Variants in USP53 observed in about 807,000 individuals in gnomAD.
USP53 encodes the protein ubiquitin carboxyl-terminal hydrolase 53.
USP53 carries 71 observed loss-of-function variants against 94.9 expected under a neutral mutation model. The observed-to-expected ratio is 0.75, with a 90% confidence interval of 0.62 to 0.91. The LOEUF is 0.91. Among genes scored for constraint, USP53 ranks in the 40% least tolerant of loss-of-function variants. The pLI is 0.00. For missense variants in USP53, 1,173 were observed against 1,281.0 expected (o/e 0.92, Z 1.29); for synonymous variants, 375 against 422.7 (o/e 0.89, Z 1.39).
chr4:119,251,841 T>C (rs1357203186), intron 7 of USP53, among the ~76,000 whole-genome samples: 5 of 152,326 alleles, frequency 3.3e-5, no homozygotes, highest in African/African-American at 1.2e-4. Flanking sequence ...CCAGTTTTTG[T>C]CCATTCAGTA....
At chr4:119,227,256 T>TACAC (rs3138727) in intron 3 of USP53, among the ~76,000 whole-genome samples, 5,487 of 125,064 alleles carry the variant, frequency 0.044, 215 homozygotes, top group African/African-American at 0.098. Context: ...TGTCTAACAC[T>TACAC]ACACACACAC....
Position 119,292,678 on chromosome 4 carries a change from A to G in USP53, c.2689A>G (p.Thr897Ala). The G allele has an allele frequency of 2.5e-6, 4 of 1,614,082 alleles. No individual in the cohort carries two copies. The highest frequency in any genetic ancestry group is 3.4e-6 in the Non-Finnish European group (4 of 1,179,980). ...ATGTTACTTTGAGAACTCTCTATCC[A>G]CAGAATGTATAATTCGGTCAGCCAG... ...DQCYFENSLSTECIIRSASRS... is the reference protein window; with the variant it reads ...DQCYFENSLSAECIIRSASRS... Residue 897 changes from threonine to alanine, a missense_variant, in exon 19 of 19, where the codon ACA becomes GCA. Transcript: ENST00000692078.
At chr4:119,275,641 A>G (rs1369263884) in intron 17 of USP53, among the ~76,000 whole-genome samples, 2 of 151,906 alleles carry the variant, frequency 1.3e-5, no homozygotes, top group East Asian at 3.9e-4. Flanking sequence ...GAAGAAAGTC[A>G]TTGGTAGCTT....
intron 2 of USP53, among the ~76,000 whole-genome samples, chr4:119,215,648 A>G (rs918333740): frequency 6.6e-6 from 1 of 151,734 alleles, no homozygotes; most frequent in East Asian, 1.9e-4. Context: ...TATGCTATGA[A>G]TTTTATTTTG....
At chr4:119,259,302 G>GA (rs1313474916) in intron 9 of USP53, among the ~76,000 whole-genome samples, 9 of 151,376 alleles carry the variant, frequency 5.9e-5, no homozygotes, top group Non-Finnish European at 1.3e-4. Context: ...AAAAGGGGGG[G>GA]GAGTAATATT....
intron 3 of USP53, among the ~76,000 whole-genome samples, chr4:119,227,630 C>G (rs1473942717): frequency 6.6e-6 from 1 of 151,760 alleles, no homozygotes; most frequent in Non-Finnish European, 1.5e-5. Flanking sequence ...GACTCCGTCT[C>G]AAAAAAGAAA....
chr4:119,282,864 A>G (rs1753659843), intron 17 of USP53, among the ~76,000 whole-genome samples: 1 of 152,022 alleles, frequency 6.6e-6, no homozygotes, highest in Admixed American at 6.6e-5. Context: ...TTACTGACCT[A>G]TAGAATCATT....
chr4:119,255,961 A>C (rs1414283903), intron 7 of USP53, among the ~76,000 whole-genome samples: 2 of 152,202 alleles, frequency 1.3e-5, no homozygotes, highest in Non-Finnish European at 2.9e-5. Flanking sequence ...ATTAAATTGT[A>C]GATGTCAGTC....
chr4:119,253,724 G>A (rs1578483758), intron 7 of USP53, among the ~76,000 whole-genome samples: 1 of 152,234 alleles, frequency 6.6e-6, no homozygotes, highest in East Asian at 1.9e-4. Flanking sequence ...TTACATTTAA[G>A]GTTAATATTG....
Position 119,248,623 on chromosome 4 carries a change from T to C in USP53, c.238-125T>C, listed in dbSNP as rs1748561627. The C allele has an allele frequency of 4.3e-6, 5 of 1,154,582 alleles. No individual in the cohort carries two copies. The East Asian group carries it at 1.3e-4, about 30-fold the overall frequency. 71.5% of individuals were successfully genotyped at this position (1,154,582 alleles called of 1,614,324 possible). A position where few individuals can be genotyped will look rare whatever the true frequency, so the allele number is the denominator to read the frequency against. Reference sequence around the variant, plus strand: ...AATAATTAATTTTTGTATGAAATTTTAGAGCAAAAGACTTCTGTATTATTT... The same window carrying C: ...AATAATTAATTTTTGTATGAAATTTCAGAGCAAAAGACTTCTGTATTATTT... On this transcript the variant is annotated intron_variant, in intron 6 of 18. Coordinates refer to ENST00000692078, the MANE Select transcript of USP53 (RefSeq NM_001371395.1).
intron 17 of USP53, among the ~76,000 whole-genome samples, chr4:119,278,397 ATTCTT>A (rs1283893297): frequency 5.4e-5 from 8 of 147,758 alleles, no homozygotes; most frequent in African/African-American, 2.0e-4. Context: ...TGGGTTGAAA[ATTCTT>A]TTCTTTAAGA....
At chr4:119,285,595 T>C (rs533970045) in intron 17 of USP53, among the ~76,000 whole-genome samples, 1 of 152,000 alleles carries the variant, frequency 6.6e-6, no homozygotes, top group South Asian at 2.1e-4. Context: ...CTTTCTTAAG[T>C]GAAATATACT....
chr4:119,258,737 T>C (rs888549675), intron 9 of USP53, among the ~76,000 whole-genome samples: 4 of 152,168 alleles, frequency 2.6e-5, no homozygotes, highest in Admixed American at 1.3e-4. Context: ...GTGAGACTTA[T>C]TCACTACCAC....
At chr4:119,270,669 G>T (rs1751739341) in intron 15 of USP53, among the ~76,000 whole-genome samples, 1 of 151,846 alleles carries the variant, frequency 6.6e-6, no homozygotes, top group South Asian at 2.1e-4. Flanking sequence ...TCTCTTTATG[G>T]TTCTATGCTT....
intron 3 of USP53, among the ~76,000 whole-genome samples, chr4:119,226,868 C>A (rs188535941): frequency 6.6e-6 from 1 of 152,154 alleles, no homozygotes; most frequent in Non-Finnish European, 1.5e-5. Context: ...GTCTCACACT[C>A]TGTCACCCAA....
chr4:119,248,943 C>G (rs1748606659), intron 7 of USP53, 61 bp downstream of exon 7: 25 of 1,583,256 alleles, frequency 1.6e-5, no homozygotes, highest in Non-Finnish European at 2.1e-5. Flanking sequence ...TTAGATGGTA[C>G]AAGTGTTGAG....
intron 3 of USP53, chr4:119,218,060 T>A (rs878952307): frequency 6.6e-6 from 1 of 152,214 alleles, no homozygotes; most frequent in South Asian, 2.1e-4. Flanking sequence ...GCTATTTTTT[T>A]AATCCACACA....
chr4:119,271,201 C>T, intron 15 of USP53, 95 bp from the exon 16 acceptor site: 7 of 1,480,574 alleles, frequency 4.7e-6, no homozygotes, highest in Non-Finnish European at 6.2e-6. Flanking sequence ...TTACCTAAAA[C>T]TCTTTAACAT....
At chr4:119,263,529 T>C (rs1014014093) in intron 12 of USP53, among the ~76,000 whole-genome samples, 2 of 152,194 alleles carry the variant, frequency 1.3e-5, no homozygotes, top group Non-Finnish European at 1.5e-5. Context: ...GATTTGTGCA[T>C]GTGAGGGGTG....
Sources: gnomAD v4.1 joint callset for allele counts (sites outside exome capture counted in the v4.1 genomes callset) on GRCh38, gnomAD v4.1.1 for gene constraint, MANE v1.5 for transcripts, NCBI Gene and HGNC (gene_info 2026-07-23, HGNC 2026-07-21) for gene names.